NCAM2: variants seen among roughly 807,000 people sequenced by gnomAD.
The protein encoded by NCAM2 is N-CAM-2.
A neutral mutation model predicts 98.1 loss-of-function variants in NCAM2; 30 were observed. The ratio of observed to expected loss-of-function variants is 0.31; its 90% confidence interval spans 0.23 to 0.41. NCAM2 has a LOEUF of 0.41. NCAM2 is among the 10% of genes least tolerant of loss of function. The pLI, the probability that NCAM2 is intolerant of heterozygous loss-of-function variation, is 1.00. For synonymous variants in NCAM2, 368 were observed against 342.4 expected, an observed-to-expected ratio of 1.07 and a Z score of -0.83; for missense variants, 867 against 1,005.8, an observed-to-expected ratio of 0.86 and a Z score of 1.87.
At chr21:21,521,003 A>G (rs909172212) in intron 16 of NCAM2, among the ~76,000 whole-genome samples, 1 of 152,172 alleles carries the variant, frequency 6.6e-6, no homozygotes, top group Non-Finnish European at 1.5e-5. Flanking sequence ...GGGGGAAGTA[A>G]CTACATTAAA....
chr21:21,402,463 T>C (rs948975365), intron 9 of NCAM2, among the ~76,000 whole-genome samples: 3 of 152,130 alleles, frequency 2.0e-5, no homozygotes, highest in African/African-American at 7.2e-5. Flanking sequence ...TTCTCTGCTC[T>C]CAAACCCTGT....
chr21:21,412,179 C>T (rs1312571642), intron 10 of NCAM2, among the ~76,000 whole-genome samples: 1 of 152,304 alleles, frequency 6.6e-6, no homozygotes, highest in Non-Finnish European at 1.5e-5. Context: ...ATAGAGGACT[C>T]TTCCCTGGAC....
intron 1 of NCAM2, among the ~76,000 whole-genome samples, chr21:21,279,680 A>C (rs2072860435): frequency 6.6e-6 from 1 of 152,114 alleles, no homozygotes; most frequent in African/African-American, 2.4e-5. Context: ...TGTTCTGGGA[A>C]AACTTGGATC....
intron 1 of NCAM2, among the ~76,000 whole-genome samples, chr21:21,184,988 AT>A: frequency 6.6e-6 from 1 of 152,266 alleles, no homozygotes; most frequent in East Asian, 1.9e-4. Flanking sequence ...GTCAGCACTA[AT>A]TTAGTCAGTG....
At chr21:21,154,392 A>T (rs1217846905) in intron 1 of NCAM2, among the ~76,000 whole-genome samples, 1 of 151,876 alleles carries the variant, frequency 6.6e-6, no homozygotes, top group Non-Finnish European at 1.5e-5. Context: ...ATAGCATAGT[A>T]TATGCTATTA....
intron 12 of NCAM2, among the ~76,000 whole-genome samples, chr21:21,462,816 A>G (rs929497145): frequency 2.0e-5 from 3 of 152,092 alleles, no homozygotes; most frequent in African/African-American, 7.2e-5. Context: ...AGAAAAATTC[A>G]TGATTGTTTA....
chr21:21,136,619 G>A (rs960455884), intron 1 of NCAM2, among the ~76,000 whole-genome samples: 5 of 130,330 alleles, frequency 3.8e-5, no homozygotes, highest in South Asian at 2.5e-4. Flanking sequence ...AGGCCACCAC[G>A]CCTGTTTTTT....
chr21:21,540,092 TGA>T lies in NCAM2; in HGVS notation c.*2138_*2139del, dbSNP rs1990170346. 1 of 152,128 alleles carries T rather than the reference TGA, an allele frequency of 6.6e-6. No homozygotes were observed. Among genetic ancestry groups the T allele is most frequent in the Non-Finnish European group, 1.5e-5 (1 of 68,018 alleles). 9.4% of individuals were successfully genotyped at this position (152,128 alleles called of 1,614,324 possible). On this transcript the variant is annotated 3_prime_UTR_variant, in exon 18 of 18. Transcript: ENST00000400546. ...ATGATGGTGAAAGAAATACGATGAC[TGA>T]GAAAGTCATTTCGCATGTTTACTAT...
intron 15 of NCAM2, among the ~76,000 whole-genome samples, chr21:21,486,269 A>G (rs1490378073): frequency 1.6e-5 from 2 of 128,158 alleles, no homozygotes; most frequent in African/African-American, 3.0e-5. Flanking sequence ...GCGCCACTGC[A>G]CTCCAGCCTG....
At chr21:21,449,569 A>T (rs1980712025) in intron 12 of NCAM2, among the ~76,000 whole-genome samples, 1 of 152,010 alleles carries the variant, frequency 6.6e-6, no homozygotes, top group South Asian at 2.1e-4. Context: ...TTTAAATATA[A>T]TAACTATAAA....
intron 1 of NCAM2, among the ~76,000 whole-genome samples, chr21:21,072,102 T>C (rs1337184393): frequency 2.0e-5 from 3 of 152,030 alleles, no homozygotes; most frequent in Non-Finnish European, 4.4e-5. Context: ...TTAGTAGAGA[T>C]GGGAGTTCAC....
chr21:21,417,767 T>C (rs914771128), intron 10 of NCAM2, among the ~76,000 whole-genome samples: 24 of 152,116 alleles, frequency 1.6e-4, no homozygotes, highest in Admixed American at 9.8e-4. Context: ...TGAAAAAGAA[T>C]GGTAGGAATT....
chr21:21,073,377 A>T (rs900808289), intron 1 of NCAM2, among the ~76,000 whole-genome samples: 2 of 152,220 alleles, frequency 1.3e-5, no homozygotes, highest in East Asian at 3.8e-4. Flanking sequence ...TCTAAAAAAG[A>T]GTTGCAAATG....
chr21:21,459,305 C>A (rs953374444), intron 12 of NCAM2, among the ~76,000 whole-genome samples: 5 of 151,750 alleles, frequency 3.3e-5, no homozygotes, highest in African/African-American at 1.2e-4. Context: ...GGTATATATT[C>A]TCAAGCGAAA....
intron 1 of NCAM2, among the ~76,000 whole-genome samples, chr21:21,254,829 C>A (rs955231755): frequency 1.3e-5 from 2 of 151,950 alleles, no homozygotes; most frequent in African/African-American, 4.8e-5. Flanking sequence ...GTTTATGGCA[C>A]AACAGATGTG....
At chr21:21,516,550 T>G (rs1161245882) in intron 16 of NCAM2, among the ~76,000 whole-genome samples, 2 of 152,134 alleles carry the variant, frequency 1.3e-5, no homozygotes, top group Non-Finnish European at 2.9e-5. Context: ...GAAACTTAAC[T>G]GTTAAATGTT....
At chr21:21,372,392 G>A (rs2075939257) in intron 8 of NCAM2, among the ~76,000 whole-genome samples, 3 of 151,694 alleles carry the variant, frequency 2.0e-5, no homozygotes, top group African/African-American at 7.3e-5. Context: ...TGTACAGTCA[G>A]ACACTTTGTT....
intron 12 of NCAM2, among the ~76,000 whole-genome samples, chr21:21,435,870 T>C (rs1978311827): frequency 6.6e-6 from 1 of 152,210 alleles, no homozygotes. Flanking sequence ...AACCAAGTTT[T>C]TAAGGATTTC....
At chr21:21,163,930 T>TG (rs1405040877) in intron 1 of NCAM2, among the ~76,000 whole-genome samples, 1 of 152,188 alleles carries the variant, frequency 6.6e-6, no homozygotes, top group Non-Finnish European at 1.5e-5. Flanking sequence ...TGGGTTCTGA[T>TG]GGCCCCAGTT....
Sources: allele counts gnomAD v4.1 joint callset (sites outside exome capture counted in the v4.1 genomes callset), GRCh38; gene constraint gnomAD v4.1.1; transcripts MANE v1.5; gene names NCBI Gene and HGNC (gene_info 2026-07-23, HGNC 2026-07-21).